Variants in AQP1 observed in about 807,000 individuals in gnomAD.
The protein encoded by AQP1 is aquaporin-1.
In AQP1, 11 loss-of-function variants were observed where a neutral mutation model predicts 19.7. The ratio of observed to expected loss-of-function variants is 0.56; its 90% CI spans 0.35 to 0.92. The LOEUF is 0.92. Ranked by LOEUF, AQP1 falls within the 40% of genes least tolerant of loss-of-function variation. AQP1 has a pLI of 0.01. For missense variants in AQP1, 320 were observed against 369.7 expected, an observed-to-expected ratio of 0.87 and a Z score of 1.10; for synonymous variants, 159 against 166.7, an observed-to-expected ratio of 0.95 and a Z score of 0.36.
At position 30,923,784 on chromosome 7, in the gene AQP1, G is replaced by A. The variant is rs759697092; in HGVS notation, c.*155G>A. 6.6e-7 allele frequency: 1 copy of A among 1,512,800 alleles called. No individual in the cohort carries two copies. The highest frequency in any genetic ancestry group is 2.1e-5 in the Admixed American group (1 of 47,972). 93.7% of individuals were successfully genotyped at this position (1,512,800 alleles called of 1,614,324 possible). On this transcript the variant is annotated 3_prime_UTR_variant, in exon 4 of 4. Transcript: ENST00000311813. The surrounding 1 kb of genome is among the most constrained non-coding windows in gnomAD (Gnocchi z 4.8). ...CTGCATGGTCAAGCCTCTTATGGGG[G>A]TGTTTCTATCTCTTTCTTTCTCTTT...
At chr7:30,915,194 A>T (rs917832613) in intron 1 of AQP1, among the ~76,000 whole-genome samples, 9 of 152,128 alleles carry the variant, frequency 5.9e-5, no homozygotes, top group African/African-American at 2.2e-4. Flanking sequence ...TGGTCTGCTC[A>T]GCCGGCTCCC....
intron 1 of AQP1, chr7:30,921,480 G>A: frequency 1.4e-6 from 2 of 1,477,204 alleles, no homozygotes; most frequent in African/African-American, 1.4e-5. Context: ...ACGGGGTGGA[G>A]AAGGAGAGAG....
At chr7:30,922,676 C>G in intron 3 of AQP1, 32 bp downstream of exon 3, 1 of 1,589,218 alleles carries the variant, frequency 6.3e-7, no homozygotes, top group South Asian at 1.1e-5. Context: ...GGGTGGGAAG[C>G]TTTGGTGTCC....
intron 2 of AQP1, 60 bp from the exon 3 acceptor site, chr7:30,922,504 A>C (rs1324516313): frequency 6.6e-7 from 1 of 1,508,586 alleles, no homozygotes; most frequent in Non-Finnish European, 9.2e-7. Flanking sequence ...CCCTCCTCTC[A>C]CTCTCTCTTC....
intron 1 of AQP1, among the ~76,000 whole-genome samples, chr7:30,916,194 C>T (rs906615807): frequency 2.6e-5 from 4 of 152,194 alleles, no homozygotes; most frequent in Admixed American, 6.5e-5. Context: ...AGAGGGGACA[C>T]GGCCTCCTGG....
chr7:30,921,106 CTT>C (rs1177506180), intron 1 of AQP1, among the ~76,000 whole-genome samples: 3 of 152,184 alleles, frequency 2.0e-5, no homozygotes, highest in Non-Finnish European at 4.4e-5. Context: ...AAGTGGGCAT[CTT>C]TGCAAGTGAG....
chr7:30,920,268 A>C (rs1791464937), intron 1 of AQP1, among the ~76,000 whole-genome samples: 1 of 152,136 alleles, frequency 6.6e-6, no homozygotes, highest in South Asian at 2.1e-4. Flanking sequence ...CCTGGAGAGC[A>C]GAAGAGAGAG....
chr7:30,915,597 G>A (rs893675820), intron 1 of AQP1, among the ~76,000 whole-genome samples: 1 of 152,078 alleles, frequency 6.6e-6, no homozygotes, highest in East Asian at 1.9e-4. Flanking sequence ...GGCTGCATCC[G>A]GGGGAAGGGG....
At position 30,912,661 on chromosome 7, in the gene AQP1, C is replaced by T. The variant is rs890171282; in HGVS notation, c.384+368C>T. Among the ~76,000 whole-genome samples, 3 of 152,230 alleles carry T rather than the reference C, an allele frequency of 2.0e-5. No individual in the cohort carries two copies. Among genetic ancestry groups the T allele is most frequent in the Non-Finnish European group, 2.9e-5 (2 of 68,046 alleles). On this transcript the variant is annotated intron_variant, in intron 1 of 3. Transcript: ENST00000311813. The surrounding 1 kb of genome is among the most constrained non-coding windows in gnomAD (Gnocchi z 4.3). ...CCAGCTCCCTCCTCCTGCAGCCCTG[C>T]ACCCTGGGGAAACTTTGCCCGCTGT...
chr7:30,915,845 G>A (rs866899345), intron 1 of AQP1, among the ~76,000 whole-genome samples: 40 of 152,164 alleles, frequency 2.6e-4, no homozygotes, highest in Non-Finnish European at 2.4e-4. Context: ...CAGTTCTCCC[G>A]GGGGTGCTGC....
chr7:30,920,000 C>T (rs944579235), intron 1 of AQP1, among the ~76,000 whole-genome samples: 1 of 152,140 alleles, frequency 6.6e-6, no homozygotes, highest in Non-Finnish European at 1.5e-5. Context: ...CTCCCCTTCC[C>T]AAGGACTCAG....
At chr7:30,921,622 T>C (rs906441843) in intron 1 of AQP1, 22 of 1,550,672 alleles carry the variant, frequency 1.4e-5, no homozygotes, top group Non-Finnish European at 1.8e-5. Flanking sequence ...TCTGGACTTT[T>C]GGGTATGAAG....
At chr7:30,921,594 G>A (rs1376870570) in intron 1 of AQP1, 4 of 1,549,482 alleles carry the variant, frequency 2.6e-6, no homozygotes, top group Admixed American at 3.9e-5. Flanking sequence ...AGATGCAGTC[G>A]GGCATGGGGT....
chr7:30,914,083 G>T (rs1242367943), intron 1 of AQP1, among the ~76,000 whole-genome samples: 2 of 152,224 alleles, frequency 1.3e-5, no homozygotes, highest in African/African-American at 4.8e-5. Context: ...ATCCGAGGCA[G>T]AGGCGGGAGG....
chr7:30,924,245 G>C lies in AQP1; in HGVS notation c.*616G>C. 1.8e-6 allele frequency: 1 copy of C among 548,566 alleles called. No individual in the cohort carries two copies. Among genetic ancestry groups the C allele is most frequent in the Non-Finnish European group, 2.6e-6 (1 of 381,352 alleles). 34.0% of individuals were successfully genotyped at this position (548,566 alleles called of 1,614,324 possible). A position where few individuals can be genotyped will look rare whatever the true frequency, so the allele number is the denominator to read the frequency against. ...CTGCAAAGTGGCAGGGACCGGCAGAGCTCTACAGGCCTGCAGCCCCTAAGT... is the reference window on the plus strand; with the variant it reads ...CTGCAAAGTGGCAGGGACCGGCAGACCTCTACAGGCCTGCAGCCCCTAAGT... On this transcript the variant is annotated 3_prime_UTR_variant, in exon 4 of 4. Coordinates refer to ENST00000311813, the MANE Select transcript of AQP1 (RefSeq NM_198098.4).
intron 2 of AQP1, 36 bp from the exon 3 acceptor site, chr7:30,922,528 T>C: frequency 1.3e-6 from 2 of 1,582,408 alleles, no homozygotes; most frequent in Non-Finnish European, 1.7e-6. Context: ...TATGACTCTC[T>C]GCCTTCGCCC....
intron 1 of AQP1, chr7:30,913,314 T>G (rs1160657085): frequency 6.6e-6 from 1 of 152,236 alleles, no homozygotes; most frequent in Non-Finnish European, 1.5e-5. Context: ...CAGGCCGGGC[T>G]TGGGCCACAG....
At chr7:30,916,680 C>T (rs756819066) in intron 1 of AQP1, among the ~76,000 whole-genome samples, 4 of 152,170 alleles carry the variant, frequency 2.6e-5, no homozygotes, top group African/African-American at 4.8e-5. Flanking sequence ...CCGGAAAGGC[C>T]GGAAAATGCC....
chr7:30,916,071 G>A (rs538218557), intron 1 of AQP1, among the ~76,000 whole-genome samples: 9 of 152,298 alleles, frequency 5.9e-5, no homozygotes, highest in South Asian at 2.1e-4. Flanking sequence ...AAATCCTGAC[G>A]CTGCTTCCCC....
Sources: allele counts gnomAD v4.1 joint callset (sites outside exome capture counted in the v4.1 genomes callset), GRCh38; gene constraint gnomAD v4.1.1; non-coding constraint Gnocchi (gnomAD v3.1); transcripts MANE v1.5; gene names NCBI Gene and HGNC (gene_info 2026-07-23, HGNC 2026-07-21).